Variants in RBM26 observed in about 807,000 individuals in gnomAD.
RBM26 encodes RNA binding motif protein 26.
RBM26 carries 30 observed loss-of-function variants against 123.6 expected under a neutral mutation model. The observed-to-expected ratio is 0.24, with a 90% CI of 0.18 to 0.33. The LOEUF is 0.33. Ranked by LOEUF, RBM26 falls within the 10% of genes least tolerant of loss-of-function variation. RBM26 has a pLI of 1.00. For missense variants in RBM26, 947 were observed against 1,203.6 expected, an observed-to-expected ratio of 0.79 and a Z score of 3.15; for synonymous variants, 400 against 404.4, an observed-to-expected ratio of 0.99 and a Z score of 0.13.
intron 20 of RBM26, among the ~76,000 whole-genome samples, chr13:79,327,908 T>C (rs2068687301): frequency 6.6e-6 from 1 of 152,152 alleles, no homozygotes; most frequent in Middle Eastern, 3.4e-3. Flanking sequence ...AACGTGCATG[T>C]GTACTCCCTG....
chr13:79,381,351 C>T (rs1053037000), intron 1 of RBM26, among the ~76,000 whole-genome samples: 1 of 152,018 alleles, frequency 6.6e-6, no homozygotes, highest in Admixed American at 6.6e-5. Context: ...CAGTCACTCC[C>T]TATCAACCAA....
intron 18 of RBM26, among the ~76,000 whole-genome samples, chr13:79,340,549 CT>C (rs968515321): frequency 6.6e-6 from 1 of 151,966 alleles, no homozygotes; most frequent in Non-Finnish European, 1.5e-5. Flanking sequence ...CTTTGAACCT[CT>C]TTTTGCTATT....
chr13:79,355,480 G>A, intron 11 of RBM26, 96 bp from the exon 12 acceptor site: 1 of 853,558 alleles, frequency 1.2e-6, no homozygotes, highest in Non-Finnish European at 1.8e-6. Context: ...GTCCTTCCAA[G>A]TAAGATTCTG....
intron 17 of RBM26, 32 bp downstream of exon 17, chr13:79,342,632 G>A: frequency 2.0e-6 from 3 of 1,490,966 alleles, no homozygotes; most frequent in Non-Finnish European, 2.8e-6. Flanking sequence ...TTGTTAATAA[G>A]TAATAATATG....
At position 79,377,368 on chromosome 13, in the gene RBM26, C is replaced by G; in HGVS notation, c.327+11G>C. ...TTAAATAACCTGTAAGGTATTAACA[C>G]AAATCGTTACCTCTTCCTTCTTTAT... On this transcript the variant is annotated intron_variant, in intron 3 of 21. Transcript: ENST00000438737. 1 of 1,611,636 alleles carries G rather than the reference C, an allele frequency of 6.2e-7. No homozygotes were observed. The highest frequency in any genetic ancestry group is 1.1e-5 in the South Asian group (1 of 91,014).
chr13:79,390,113 T>C (rs2077823931), intron 1 of RBM26, among the ~76,000 whole-genome samples: 1 of 152,140 alleles, frequency 6.6e-6, no homozygotes, highest in Non-Finnish European at 1.5e-5. Context: ...AAGACTGATT[T>C]TTGGTTTCTA....
rs77895252 is a variant in RBM26 at position 79,402,979 on chromosome 13, C to T, written c.71+2725G>A. On this transcript the variant is annotated intron_variant, in intron 1 of 21. Coordinates refer to ENST00000438737, the MANE Select transcript of RBM26 (RefSeq NM_001366735.2). The stretch of plus-strand genomic sequence containing the variant: ...AAGTCCAAAACCATGAAGTATTTAA[C>T]CACCACAGGTAACTAAAAAGTTTTA... 2.2e-4 allele frequency among the ~76,000 whole-genome samples: 34 copies of T among 152,204 alleles called. No individual in the cohort carries two copies. In the East Asian group the frequency reaches 6.2e-3, roughly 28 times the overall value.
At chr13:79,370,817 T>A (rs923758771) in intron 5 of RBM26, 128 bp downstream of exon 5, 7 of 1,004,018 alleles carry the variant, frequency 7.0e-6, no homozygotes, top group Non-Finnish European at 8.7e-6. Flanking sequence ...TAAAAAGCAT[T>A]CTCTTGGACC....
At chr13:79,320,916 C>G (rs576595136) in intron 21 of RBM26, among the ~76,000 whole-genome samples, 1 of 151,348 alleles carries the variant, frequency 6.6e-6, no homozygotes, top group South Asian at 2.1e-4. Context: ...TTGCATGAAA[C>G]ACACTAAACA....
rs3752995 is a variant in RBM26 at position 79,344,916 on chromosome 13, T to C, written c.2059-122A>G. On this transcript the variant is annotated intron_variant, in intron 14 of 21. Transcript: ENST00000438737. The stretch of plus-strand genomic sequence containing the variant: ...CAGCTTCAAAACACACTGAACTAAA[T>C]GTATTTTATACTTATAATAACGAAA... The C allele has an allele frequency of 5.8e-3, 4,830 of 836,470 alleles. 106 individuals are homozygous for C. Among genetic ancestry groups the C allele is most frequent in the East Asian group, 0.042 (1,496 of 35,812 alleles). The allele number at this position is 836,470 out of a possible 1,614,324, so 51.8% of individuals were successfully genotyped here. A position where few individuals can be genotyped will look rare whatever the true frequency, so the allele number is the denominator to read the frequency against.
intron 3 of RBM26, among the ~76,000 whole-genome samples, chr13:79,372,820 A>T (rs1207836165): frequency 9.5e-6 from 1 of 105,402 alleles, no homozygotes; most frequent in Non-Finnish European, 1.6e-5. Context: ...TATATTTATA[A>T]TAAATATTTT....
At chr13:79,364,009 C>A (rs1339330851) in intron 9 of RBM26, among the ~76,000 whole-genome samples, 1 of 152,032 alleles carries the variant, frequency 6.6e-6, no homozygotes, top group Non-Finnish European at 1.5e-5. Flanking sequence ...TGTGAACTAG[C>A]CAGGTGGGAG....
At chr13:79,356,393 A>C (rs1166338032) in intron 11 of RBM26, among the ~76,000 whole-genome samples, 1 of 145,960 alleles carries the variant, frequency 6.9e-6, no homozygotes, top group Admixed American at 6.7e-5. Context: ...AACAAACAAA[A>C]AAAAACAAAA....
At chr13:79,337,386 C>A in intron 18 of RBM26, 84 bp from the exon 19 acceptor site, 2 of 1,462,918 alleles carry the variant, frequency 1.4e-6, no homozygotes, top group Non-Finnish European at 1.9e-6. Flanking sequence ...ATGAATAAAA[C>A]TTTAATGCAA....
At chr13:79,405,476 T>C (rs906462234) in intron 1 of RBM26, among the ~76,000 whole-genome samples, 5 of 151,560 alleles carry the variant, frequency 3.3e-5, no homozygotes, top group East Asian at 3.9e-4. Flanking sequence ...GGTCTATATA[T>C]AACGGGAAAA....
intron 6 of RBM26, among the ~76,000 whole-genome samples, chr13:79,367,538 G>A (rs2075431501): frequency 6.6e-6 from 1 of 151,512 alleles, no homozygotes; most frequent in Admixed American, 6.6e-5. Flanking sequence ...ATAGCTTGGT[G>A]CCCTCCCAAG....
chr13:79,321,794 C>G (rs1008106151), intron 21 of RBM26, among the ~76,000 whole-genome samples: 3 of 151,404 alleles, frequency 2.0e-5, no homozygotes, highest in Non-Finnish European at 4.4e-5. Flanking sequence ...GTTTCCAGAG[C>G]ATGTTGTTCA....
chr13:79,402,856 CTT>C (rs1281840840), intron 1 of RBM26, among the ~76,000 whole-genome samples: 2 of 41,826 alleles, frequency 4.8e-5, no homozygotes, highest in Non-Finnish European at 9.2e-5. Context: ...CATTTCATGT[CTT>C]GTTACCTACT....
At chr13:79,351,694 A>G (rs2073257849) in intron 14 of RBM26, among the ~76,000 whole-genome samples, 1 of 152,210 alleles carries the variant, frequency 6.6e-6, no homozygotes, top group African/African-American at 2.4e-5. Flanking sequence ...AACGAGCAGA[A>G]AAGTACTCCC....
Sources: gnomAD v4.1 joint callset for allele counts (sites outside exome capture counted in the v4.1 genomes callset) on GRCh38, gnomAD v4.1.1 for gene constraint, MANE v1.5 for transcripts, NCBI Gene and HGNC (gene_info 2026-07-23, HGNC 2026-07-21) for gene names.